CNTNAP2: variants seen among roughly 807,000 people sequenced by gnomAD.
CNTNAP2 encodes the protein contactin-associated protein-like 2.
A neutral mutation model predicts 155.2 loss-of-function variants in CNTNAP2; 98 were observed. That is an observed-to-expected ratio of 0.63 (90% CI 0.54 to 0.75). The LOEUF is 0.75. Ranked by LOEUF, CNTNAP2 falls within the 30% of genes least tolerant of loss-of-function variation. CNTNAP2 has a pLI of 0.00. For synonymous variants in CNTNAP2, 651 were observed against 631.2 expected (o/e 1.03, Z -0.47); for missense variants, 1,727 against 1,688.1 (o/e 1.02, Z -0.40).
chr7:147,160,783 A>G (rs1006536101), intron 8 of CNTNAP2, among the ~76,000 whole-genome samples: 3 of 152,186 alleles, frequency 2.0e-5, no homozygotes, highest in Non-Finnish European at 4.4e-5. Context: ...GGAATTAAAG[A>G]TGAAAAGTAA....
At chr7:147,178,622 C>T (rs1802395358) in intron 8 of CNTNAP2, among the ~76,000 whole-genome samples, 1 of 152,162 alleles carries the variant, frequency 6.6e-6, no homozygotes. Flanking sequence ...TACCCAAATA[C>T]TGTCTATGCC....
chr7:147,079,047 G>A (rs1800057263), intron 4 of CNTNAP2, among the ~76,000 whole-genome samples: 1 of 152,076 alleles, frequency 6.6e-6, no homozygotes, highest in African/African-American at 2.4e-5. Flanking sequence ...CACTGGCCTG[G>A]CCGTCTTATT....
intron 10 of CNTNAP2, among the ~76,000 whole-genome samples, chr7:147,430,189 T>C (rs1797442035): frequency 6.6e-6 from 1 of 152,232 alleles, no homozygotes; most frequent in Non-Finnish European, 1.5e-5. Flanking sequence ...CAACTCACCA[T>C]GAGCCAAATA....
At chr7:148,196,846 C>T (rs1237448069) in intron 18 of CNTNAP2, among the ~76,000 whole-genome samples, 1 of 152,078 alleles carries the variant, frequency 6.6e-6, no homozygotes, top group Non-Finnish European at 1.5e-5. Flanking sequence ...TGGCAATATT[C>T]AAAGAGGCAC....
At chr7:147,120,677 A>C (rs1299903718) in intron 5 of CNTNAP2, among the ~76,000 whole-genome samples, 1 of 151,726 alleles carries the variant, frequency 6.6e-6, no homozygotes, top group Non-Finnish European at 1.5e-5. Flanking sequence ...ACATGTGCAC[A>C]ATGTGCTGGT....
At chr7:146,551,473 A>AT (rs1321765424) in intron 1 of CNTNAP2, among the ~76,000 whole-genome samples, 2 of 152,048 alleles carry the variant, frequency 1.3e-5, no homozygotes, top group South Asian at 2.1e-4. Context: ...TGAACTCATC[A>AT]TTTTTTATGG....
chr7:146,462,593 C>G (rs762155748), intron 1 of CNTNAP2, among the ~76,000 whole-genome samples: 56 of 152,088 alleles, frequency 3.7e-4, no homozygotes, highest in Admixed American at 2.0e-4. Context: ...TCCATTAGTA[C>G]GTTTTGTTTT....
At chr7:147,748,725 C>CA (rs1797086858) in intron 13 of CNTNAP2, among the ~76,000 whole-genome samples, 6 of 152,170 alleles carry the variant, frequency 3.9e-5, no homozygotes, top group Admixed American at 3.9e-4. Context: ...CCAAAGGGCT[C>CA]TGATGGGCCC....
intron 1 of CNTNAP2, among the ~76,000 whole-genome samples, chr7:146,287,512 C>T (rs1375779914): frequency 1.3e-5 from 2 of 152,200 alleles, no homozygotes; most frequent in African/African-American, 2.4e-5. Context: ...AAGATATGAG[C>T]TTATTTTCCA....
At chr7:147,019,574 T>A (rs1299479074) in intron 3 of CNTNAP2, among the ~76,000 whole-genome samples, 1 of 152,104 alleles carries the variant, frequency 6.6e-6, no homozygotes, top group Non-Finnish European at 1.5e-5. Context: ...GGAATATTCA[T>A]CAGGATCTTG....
chr7:147,243,294 C>T (rs893473079), intron 8 of CNTNAP2, among the ~76,000 whole-genome samples: 1 of 151,988 alleles, frequency 6.6e-6, no homozygotes, highest in Admixed American at 6.6e-5. Flanking sequence ...CCGCACCCGG[C>T]CTGCTTTGCT....
At chr7:146,194,860 A>C (rs1182023602) in intron 1 of CNTNAP2, among the ~76,000 whole-genome samples, 2 of 152,196 alleles carry the variant, frequency 1.3e-5, no homozygotes, top group African/African-American at 4.8e-5. Context: ...TAGTAAGAAA[A>C]TGACAGAACT....
chr7:146,612,552 C>A (rs1340654713), intron 1 of CNTNAP2, among the ~76,000 whole-genome samples: 1 of 152,042 alleles, frequency 6.6e-6, no homozygotes, highest in African/African-American at 2.4e-5. Flanking sequence ...ACCTTATTTG[C>A]TTATTTTAAA....
chr7:146,486,808 G>C (rs967927974), intron 1 of CNTNAP2, among the ~76,000 whole-genome samples: 1 of 152,134 alleles, frequency 6.6e-6, no homozygotes, highest in African/African-American at 2.4e-5. Flanking sequence ...TGAAAGAATC[G>C]AAAGGTTCCT....
chr7:147,328,407 G>A (rs183781376), intron 9 of CNTNAP2, among the ~76,000 whole-genome samples: 19 of 152,280 alleles, frequency 1.2e-4, no homozygotes, highest in Admixed American at 1.3e-4. Context: ...TGAGTGTCCA[G>A]GTCATCCAGG....
chr7:147,006,428 G>T (rs1798525462), intron 3 of CNTNAP2, among the ~76,000 whole-genome samples: 1 of 151,930 alleles, frequency 6.6e-6, no homozygotes, highest in African/African-American at 2.4e-5. Flanking sequence ...GAAAATTTAT[G>T]CCCTGTTTTT....
intron 15 of CNTNAP2, among the ~76,000 whole-genome samples, chr7:148,031,631 G>A (rs866704262): frequency 2.6e-5 from 4 of 152,170 alleles, no homozygotes; most frequent in Admixed American, 2.0e-4. Flanking sequence ...AGTATTAATA[G>A]CATCCAGTAG....
At chr7:147,012,471 G>A (rs1362416399) in intron 3 of CNTNAP2, among the ~76,000 whole-genome samples, 1 of 152,086 alleles carries the variant, frequency 6.6e-6, no homozygotes, top group African/African-American at 2.4e-5. Flanking sequence ...AAGTAATTAG[G>A]AAGATGAAGT....
chr7:148,350,286 G>A (rs1324135853), intron 21 of CNTNAP2, among the ~76,000 whole-genome samples: 1 of 152,120 alleles, frequency 6.6e-6, no homozygotes, highest in Admixed American at 6.5e-5. Context: ...AGGAATTTCT[G>A]TCTACAGCCG....
Sources: gnomAD v4.1 joint callset for allele counts (sites outside exome capture counted in the v4.1 genomes callset) on GRCh38, gnomAD v4.1.1 for gene constraint, MANE v1.5 for transcripts, NCBI Gene and HGNC (gene_info 2026-07-23, HGNC 2026-07-21) for gene names.